Variants in ANO3 observed in about 807,000 individuals in gnomAD.
ANO3 encodes the protein anoctamin-3.
Under a neutral mutation model 144.8 loss-of-function variants are expected in ANO3, and 99 were observed. That is an observed-to-expected ratio of 0.68 (90% CI 0.58 to 0.81). The LOEUF (loss-of-function observed/expected upper bound fraction) is 0.81. Ranked by LOEUF, ANO3 falls within the 30% of genes least tolerant of loss-of-function variation. The pLI, the probability that ANO3 is intolerant of heterozygous loss-of-function variation, is 0.00. For synonymous variants in ANO3, 414 were observed against 392.6 expected, an observed-to-expected ratio of 1.05 and a Z score of -0.64; for missense variants, 905 against 1,202.2, an observed-to-expected ratio of 0.75 and a Z score of 3.66.
At chr11:26,205,002 T>C (rs1386903968) in intron 1 of ANO3, among the ~76,000 whole-genome samples, 1 of 152,084 alleles carries the variant, frequency 6.6e-6, no homozygotes, top group Non-Finnish European at 1.5e-5. Flanking sequence ...CTTACAATCA[T>C]GGCAAAAGAG....
chr11:26,586,501 A>ATTTTTTTTTTTTTTTTTTTTT (rs1281089936), intron 14 of ANO3, among the ~76,000 whole-genome samples: 4 of 40,014 alleles, frequency 1.0e-4, no homozygotes, highest in African/African-American at 2.7e-4. Flanking sequence ...CCTGGTGAGA[A>ATTTTTTTTTTTTTTTTTTTTT]TCTTTTTTTT....
At chr11:26,413,061 T>G (rs562334820) in intron 1 of ANO3, among the ~76,000 whole-genome samples, 1 of 152,056 alleles carries the variant, frequency 6.6e-6, no homozygotes, top group African/African-American at 2.4e-5. Flanking sequence ...TGGAACATAT[T>G]TTTTGTGCCT....
intron 1 of ANO3, among the ~76,000 whole-genome samples, chr11:26,436,529 C>T (rs567028067): frequency 6.6e-6 from 1 of 152,310 alleles, no homozygotes; most frequent in East Asian, 1.9e-4. Flanking sequence ...CCTGCCCCTC[C>T]CTCTGGCAGC....
chr11:26,480,060 T>C (rs1364730360), intron 4 of ANO3, among the ~76,000 whole-genome samples: 1 of 152,158 alleles, frequency 6.6e-6, no homozygotes, highest in Non-Finnish European at 1.5e-5. Context: ...GCAAGAGGCA[T>C]ACCTGGCTAC....
chr11:26,310,540 T>C (rs1854481744), intron 1 of ANO3, among the ~76,000 whole-genome samples: 1 of 152,216 alleles, frequency 6.6e-6, no homozygotes, highest in Non-Finnish European at 1.5e-5. Flanking sequence ...TGGACTACCA[T>C]AGCCTAATGC....
intron 24 of ANO3, among the ~76,000 whole-genome samples, chr11:26,649,670 G>A (rs1245515585): frequency 2.6e-5 from 4 of 152,060 alleles, no homozygotes. Context: ...CCGAGAGGCG[G>A]AGGTTGCAGT....
intron 1 of ANO3, among the ~76,000 whole-genome samples, chr11:26,288,665 C>A (rs1159731133): frequency 1.3e-5 from 2 of 152,082 alleles, no homozygotes; most frequent in African/African-American, 4.8e-5. Flanking sequence ...GGAAAGAAAA[C>A]ACCTAAGCAA....
intron 6 of ANO3, among the ~76,000 whole-genome samples, chr11:26,519,239 A>G: frequency 6.6e-6 from 1 of 152,176 alleles, no homozygotes. Flanking sequence ...TTCAGGCTGA[A>G]TGAATATGGT....
Position 26,595,457 on chromosome 11 carries a change from G to GTTTT in ANO3, c.1448-2906_1448-2905insTTTT, listed in dbSNP as rs1411703035. On this transcript the variant is annotated intron_variant, in intron 14 of 26. Coordinates refer to ENST00000256737, the MANE Select transcript of ANO3 (RefSeq NM_031418.4). The stretch of plus-strand genomic sequence containing the variant: ...ACTTTTGACTCAGTATTGAGATAGA[G>GTTTT]TTGTTTTTTTTTTTTTTTTTTTTTT... Among the ~76,000 whole-genome samples, 232 of 67,778 alleles carry GTTTT rather than the reference G, an allele frequency of 3.4e-3. 3 individuals carry two copies. Among genetic ancestry groups the GTTTT allele is most frequent in the East Asian group, 8.4e-3 (20 of 2,392 alleles). 44.5% of individuals were successfully genotyped at this position (67,778 alleles called of 152,430 possible). A position where few individuals can be genotyped will look rare whatever the true frequency, so the allele number is the denominator to read the frequency against.
chr11:26,461,405 T>C (rs902465205), intron 3 of ANO3, among the ~76,000 whole-genome samples: 2 of 152,086 alleles, frequency 1.3e-5, no homozygotes, highest in Admixed American at 1.3e-4. Flanking sequence ...GTGCAAATAT[T>C]ACTATGTTCT....
rs997218820 is a variant in ANO3, at chr11:26,572,361, T to C, written c.1447+12582T>C. 3.2e-5 allele frequency: 15 copies of C among 473,428 alleles called. No homozygotes were observed. In the African/African-American group the frequency reaches 3.2e-4, roughly 10 times the overall value. The allele number at this position is 473,428 out of a possible 1,614,324, so 29.3% of individuals were successfully genotyped here. A position where few individuals can be genotyped will look rare whatever the true frequency, so the allele number is the denominator to read the frequency against. ...TTTTAGCTTTGGGACAAGGTATTAC[T>C]CTCGTCAGTGGTAGCAAAACACGGG... On this transcript the variant is annotated intron_variant, in intron 14 of 26. Transcript: ENST00000256737.
intron 6 of ANO3, among the ~76,000 whole-genome samples, chr11:26,521,035 G>A (rs534392770): frequency 5.5e-4 from 2 of 3,630 alleles, no homozygotes; most frequent in South Asian, 0.2. Context: ...AATAATGGAT[G>A]TAACATTAAC....
At chr11:26,267,175 C>T (rs1176851375) in intron 1 of ANO3, among the ~76,000 whole-genome samples, 4 of 151,244 alleles carry the variant, frequency 2.6e-5, no homozygotes, top group African/African-American at 7.3e-5. Context: ...AGGACCTTCA[C>T]GCACGCACGC....
intron 2 of ANO3, among the ~76,000 whole-genome samples, chr11:26,442,658 C>G (rs1032309560): frequency 2.0e-5 from 3 of 152,192 alleles, no homozygotes; most frequent in Non-Finnish European, 4.4e-5. Flanking sequence ...CTCTTCTACA[C>G]ACATTTGCCC....
At chr11:26,346,550 T>C (rs940973461) in intron 1 of ANO3, among the ~76,000 whole-genome samples, 10 of 152,162 alleles carry the variant, frequency 6.6e-5, no homozygotes, top group Non-Finnish European at 5.9e-5. Flanking sequence ...CTGGACTTAA[T>C]ATTTATGTTA....
At chr11:26,516,144 A>G (rs1327157151) in intron 5 of ANO3, among the ~76,000 whole-genome samples, 3 of 151,814 alleles carry the variant, frequency 2.0e-5, no homozygotes, top group Admixed American at 1.3e-4. Flanking sequence ...AATTTCCAAG[A>G]ATTAAACCAC....
intron 1 of ANO3, among the ~76,000 whole-genome samples, chr11:26,409,412 C>T (rs556829832): frequency 2.6e-5 from 4 of 151,704 alleles, no homozygotes; most frequent in African/African-American, 7.2e-5. Flanking sequence ...AAAAAAGATG[C>T]TTTAGGGCTG....
chr11:26,319,089 A>C (rs1854695881), intron 1 of ANO3, among the ~76,000 whole-genome samples: 1 of 151,924 alleles, frequency 6.6e-6, no homozygotes, highest in Non-Finnish European at 1.5e-5. Flanking sequence ...TGACCCTCCC[A>C]CCTCAGCCTC....
At chr11:26,398,217 A>T (rs1416117690) in intron 1 of ANO3, among the ~76,000 whole-genome samples, 2 of 152,040 alleles carry the variant, frequency 1.3e-5, no homozygotes, top group Non-Finnish European at 2.9e-5. Flanking sequence ...TTTTCTGGTC[A>T]CCCTAAACTT....
Sources: allele counts gnomAD v4.1 joint callset (sites outside exome capture counted in the v4.1 genomes callset), GRCh38; gene constraint gnomAD v4.1.1; transcripts MANE v1.5; gene names NCBI Gene and HGNC (gene_info 2026-07-23, HGNC 2026-07-21).